Variants in KIT observed in about 807,000 individuals in gnomAD.
KIT encodes mast/stem cell growth factor receptor Kit.
In KIT, 16 loss-of-function variants were observed where a neutral mutation model predicts 105.7. That is an observed-to-expected ratio of 0.15 (90% CI 0.10 to 0.23). KIT has a LOEUF of 0.23. KIT is among the 10% of genes least tolerant of loss of function. The pLI is 1.00. For synonymous variants in KIT, 438 were observed against 441.1 expected (o/e 0.99, Z 0.09); for missense variants, 858 against 1,213.8 (o/e 0.71, Z 4.36).
intron 1 of KIT, among the ~76,000 whole-genome samples, chr4:54,661,189 C>T (rs527358350): frequency 3.3e-5 from 5 of 152,284 alleles, no homozygotes; most frequent in African/African-American, 1.2e-4. Context: ...AAAGAGAACA[C>T]CCCCAATAAT....
At chr4:54,674,018 G>T (rs1196216296) in intron 1 of KIT, among the ~76,000 whole-genome samples, 1 of 152,082 alleles carries the variant, frequency 6.6e-6, no homozygotes, top group African/African-American at 2.4e-5. Context: ...CAATTCAGCC[G>T]CCTTGGCCTC....
chr4:54,725,845 T>C lies in KIT; in HGVS notation c.1347-12T>C, dbSNP rs772339877. On this transcript the variant is annotated splice_polypyrimidine_tract_variant and intron_variant, in intron 8 of 20. Coordinates refer to ENST00000288135, the MANE Select transcript of KIT (RefSeq NM_000222.3). ...CTAGAGTAAGCCAGGGCTTTTGTTT[T>C]CTTCCCTTTAGATGCTCTGCTTCTG... The C allele has an allele frequency of 2.9e-5, 46 of 1,613,378 alleles. No homozygotes were observed. The African/African-American group carries it at 5.3e-4, about 19-fold the overall frequency.
intron 16 of KIT, 78 bp from the exon 17 acceptor site, chr4:54,732,992 A>G: frequency 8.4e-7 from 1 of 1,184,538 alleles, no homozygotes; most frequent in Non-Finnish European, 1.3e-6. Context: ...GCAACACTAT[A>G]GTATTAAAAA....
chr4:54,717,787 T>C (rs1175735145), intron 7 of KIT, among the ~76,000 whole-genome samples: 1 of 152,172 alleles, frequency 6.6e-6, no homozygotes, highest in Non-Finnish European at 1.5e-5. Context: ...TTCTGAATTA[T>C]GTTGCAAAAT....
In KIT at chr4:54,703,807, G is replaced by C. The variant is rs142772432; in HGVS notation, c.840G>C (p.Ala280=). Residue 280 remains alanine (A), a synonymous_variant, in exon 5 of 21, where the codon GCG becomes GCC. Transcript: ENST00000288135. ...AGGCAACGTTGACTATCAGTTCAGCGAGAGTTAATGATTCTGGAGTGTTCA... is the reference window on the plus strand; with the variant it reads ...AGGCAACGTTGACTATCAGTTCAGCCAGAGTTAATGATTCTGGAGTGTTCA... ...ERQATLTISS[A]RVNDSGVFMC... is the part of the protein sequence containing the mutation. 1.1e-4 allele frequency: 175 copies of C among 1,613,520 alleles called. No homozygotes were observed. Among genetic ancestry groups the C allele is most frequent in the Non-Finnish European group, 1.4e-4 (165 of 1,179,608 alleles).
Position 54,733,154 on chromosome 4 carries a change from G to A in KIT, c.2446G>A (p.Asp816Asn), listed in dbSNP as rs121913506. ...TKICDFGLAR[D>N]IKNDSNYVVK... ...GATTTGTGATTTTGGTCTAGCCAGAGACATCAAGAATGATTCTAATTATGT... is the reference window on the plus strand; with the variant it reads ...GATTTGTGATTTTGGTCTAGCCAGAAACATCAAGAATGATTCTAATTATGT... Residue 816 changes from aspartate to asparagine, a missense_variant, in exon 17 of 21, where the codon GAC (aspartate) becomes AAC (asparagine). Asp to Asn is a conservative substitution (Grantham distance 23). This residue lies in a region of KIT where 63 missense variants were observed against 137.4 expected (regional missense o/e 0.46). Transcript: ENST00000288135. 1 of 1,612,728 alleles carries A rather than the reference G, an allele frequency of 6.2e-7. No individual in the cohort carries two copies. Among genetic ancestry groups the A allele is most frequent in the East Asian group, 2.2e-5 (1 of 44,818 alleles).
chr4:54,672,305 AT>A (rs71662293), intron 1 of KIT, among the ~76,000 whole-genome samples: 6 of 130,250 alleles, frequency 4.6e-5, no homozygotes, highest in Non-Finnish European at 5.3e-5. Context: ...ACTCAGTTTG[AT>A]TTTTTTTTTA....
At position 54,736,552 on chromosome 4, in the gene KIT, A is replaced by C. The variant is rs121913687; in HGVS notation, c.2539A>C (p.Thr847Pro). 6.2e-7 allele frequency: 1 copy of C among 1,614,168 alleles called. No individual in the cohort carries two copies. The highest frequency in any genetic ancestry group is 1.7e-5 in the Admixed American group (1 of 60,026). ...TGAAAGCATTTTCAACTGTGTATAC[A>C]CGTTTGAAAGTGACGTCTGGTCCTA... ...APESIFNCVYTFESDVWSYGI... is the reference protein window; with the variant it reads ...APESIFNCVYPFESDVWSYGI... The change falls in exon 18 of 21, where the codon ACG becomes CCG. Residue 847 changes from threonine (T) to proline (P), a missense_variant. Physicochemically the swap from Thr to Pro is conservative, Grantham distance 38. This residue lies in a region of KIT where 63 missense variants were observed against 137.4 expected (regional missense o/e 0.46). Transcript: ENST00000288135.
intron 4 of KIT, among the ~76,000 whole-genome samples, chr4:54,701,621 TCATGCTGCATCTCTTATGACTG>T (rs1230256816): frequency 6.6e-6 from 1 of 151,976 alleles, no homozygotes; most frequent in Non-Finnish European, 1.5e-5. Flanking sequence ...GTTTGGATGT[TCATGCTGCATCTCTTATGACTG>T]CACTATTCCT....
intron 7 of KIT, among the ~76,000 whole-genome samples, chr4:54,716,482 T>C (rs994852718): frequency 6.6e-6 from 1 of 152,234 alleles, no homozygotes; most frequent in Non-Finnish European, 1.5e-5. Context: ...TTACCATTAC[T>C]AATATTCTTT....
chr4:54,675,604 T>C (rs1353642171), intron 1 of KIT, among the ~76,000 whole-genome samples: 1 of 152,262 alleles, frequency 6.6e-6, no homozygotes, highest in Non-Finnish European at 1.5e-5. Context: ...GTTTTGCTTA[T>C]TCAAATGTAG....
intron 5 of KIT, 132 bp from the exon 6 acceptor site, chr4:54,706,966 G>A: frequency 1.6e-6 from 1 of 622,572 alleles, no homozygotes; most frequent in Non-Finnish European, 2.9e-6. Context: ...AAAACAGCTA[G>A]TTAAAATTCT....
intron 1 of KIT, among the ~76,000 whole-genome samples, chr4:54,668,712 C>G (rs1220288745): frequency 1.3e-5 from 2 of 152,158 alleles, no homozygotes; most frequent in Non-Finnish European, 2.9e-5. Context: ...TGAAAGGTGG[C>G]AGGAGACGTT....
chr4:54,726,153 A>G, intron 9 of KIT, 103 bp downstream of exon 9: 2 of 905,556 alleles, frequency 2.2e-6, no homozygotes, highest in Admixed American at 3.9e-5. Context: ...CATTTCTGGT[A>G]ATACATGCAT....
intron 1 of KIT, among the ~76,000 whole-genome samples, chr4:54,678,340 C>T (rs1326747032): frequency 3.8e-5 from 4 of 105,824 alleles, no homozygotes; most frequent in African/African-American, 8.9e-5. Flanking sequence ...TTCCTTCCTT[C>T]CTTCCTTCCT....
intron 16 of KIT, among the ~76,000 whole-genome samples, chr4:54,732,345 G>A (rs1265716270): frequency 6.6e-6 from 1 of 152,066 alleles, no homozygotes; most frequent in Non-Finnish European, 1.5e-5. Flanking sequence ...AAAGCAGAGG[G>A]CACCTCATAG....
chr4:54,664,343 C>T (rs535951474), intron 1 of KIT, among the ~76,000 whole-genome samples: 2 of 152,214 alleles, frequency 1.3e-5, no homozygotes, highest in African/African-American at 2.4e-5. Context: ...GTATTTAGTG[C>T]TGAGTTTGGT....
chr4:54,711,343 T>G (rs1226147826), intron 7 of KIT, among the ~76,000 whole-genome samples: 1 of 152,250 alleles, frequency 6.6e-6, no homozygotes, highest in Non-Finnish European at 1.5e-5. Flanking sequence ...GTTTTCTGAA[T>G]AAGACATTCA....
chr4:54,661,058 A>G (rs919450202), intron 1 of KIT, among the ~76,000 whole-genome samples: 1 of 152,186 alleles, frequency 6.6e-6, no homozygotes, highest in African/African-American at 2.4e-5. Flanking sequence ...GTTGTTAGCT[A>G]TCTCATTCCA....
Sources: gnomAD v4.1 joint callset for allele counts (sites outside exome capture counted in the v4.1 genomes callset) on GRCh38, gnomAD v4.1.1 for gene constraint, gnomAD v4.1.1 regional missense constraint, MANE v1.5 for transcripts, NCBI Gene and HGNC (gene_info 2026-07-23, HGNC 2026-07-21) for gene names.